The following PLD1 variants were observed in gnomAD, a reference collection of about 807,000 sequenced individuals.
PLD1 encodes choline phosphatase 1.
Under a neutral mutation model 137.1 loss-of-function variants are expected in PLD1, and 112 were observed. The ratio of observed to expected loss-of-function variants is 0.82; its 90% CI spans 0.70 to 0.96. The LOEUF (loss-of-function observed/expected upper bound fraction) is 0.96. PLD1 is among the 40% of genes least tolerant of loss of function. PLD1 has a pLI of 0.00. For missense variants in PLD1, 1,321 were observed against 1,342.0 expected (o/e 0.98, Z 0.24); for synonymous variants, 431 against 454.7 (o/e 0.95, Z 0.66).
chr3:171,697,777 T>C (rs1050800103), intron 12 of PLD1, among the ~76,000 whole-genome samples: 37 of 152,162 alleles, frequency 2.4e-4, no homozygotes, highest in South Asian at 4.1e-4. Flanking sequence ...ACCTTTTCCA[T>C]TGGGAAAGCC....
intron 17 of PLD1, 61 bp downstream of exon 17, chr3:171,677,505 G>A (rs536444241): frequency 1.6e-4 from 244 of 1,514,614 alleles, no homozygotes; most frequent in Middle Eastern, 1.2e-3. Context: ...ATGTATACTT[G>A]CTGAGATGTT....
At chr3:171,608,183 A>T (rs942861414) in intron 25 of PLD1, among the ~76,000 whole-genome samples, 2 of 152,224 alleles carry the variant, frequency 1.3e-5, no homozygotes, top group African/African-American at 4.8e-5. Flanking sequence ...AGTTAGCATA[A>T]GATCAGCATT....
At position 171,714,057 on chromosome 3, in the gene PLD1, TAGTA is replaced by T. The variant is rs779916824; in HGVS notation, c.759-16_759-13del. ...TCACTATTAACCATCTGTAAGAAGG[TAGTA>T]AGTATTTTTAAAAGTTGCATTGAGT... is the stretch of plus-strand genomic sequence containing the variant. On this transcript the variant is annotated splice_polypyrimidine_tract_variant and intron_variant, in intron 8 of 26. Transcript: ENST00000351298. The T allele has an allele frequency of 1.3e-6, 2 of 1,555,164 alleles. No homozygotes were observed. Among genetic ancestry groups the T allele is most frequent in the Non-Finnish European group, 1.8e-6 (2 of 1,130,504 alleles).
At position 171,600,546 on chromosome 3, in the gene PLD1, C is replaced by T. The variant is rs1293106868; in HGVS notation, c.*2532G>A. 1 of 151,746 alleles carries T rather than the reference C, an allele frequency of 6.6e-6. No individual in the cohort carries two copies. The highest frequency in any genetic ancestry group is 2.4e-5 in the African/African-American group (1 of 41,300). 9.4% of individuals were successfully genotyped at this position (151,746 alleles called of 1,614,324 possible). ...CAATGTTAAAGATAAATTATTTGAA[C>T]TTCTAGTAGGTAGTAATGGTGTCAG... On this transcript the variant is annotated 3_prime_UTR_variant, in exon 27 of 27. Transcript: ENST00000351298.
At chr3:171,775,957 G>C (rs779819885) in intron 1 of PLD1, among the ~76,000 whole-genome samples, 10 of 152,160 alleles carry the variant, frequency 6.6e-5, no homozygotes, top group Admixed American at 6.5e-4. Flanking sequence ...GTATGAGATG[G>C]AGACAGCTTT....
Position 171,612,220 on chromosome 3 carries a change from G to A in PLD1, c.2882+59C>T, listed in dbSNP as rs1732716893. On this transcript the variant is annotated intron_variant, in intron 25 of 26. Coordinates refer to ENST00000351298, the MANE Select transcript of PLD1 (RefSeq NM_002662.5). This position sits in a 1 kb window ranked among gnomAD's most constrained non-coding sequence, Gnocchi z 4.1. ...CCATGTGCTCAGGGCTAGCGGGGCTGGGTCCCAGCGACTGCTGCAGTGGAA... is the reference window on the plus strand; with the variant it reads ...CCATGTGCTCAGGGCTAGCGGGGCTAGGTCCCAGCGACTGCTGCAGTGGAA... The A allele has an allele frequency of 9.1e-6, 14 of 1,538,520 alleles. 2 individuals carry two copies. In the South Asian group the frequency reaches 1.6e-4, roughly 18 times the overall value.
chr3:171,719,030 T>C (rs544454054), intron 8 of PLD1, among the ~76,000 whole-genome samples: 2 of 152,292 alleles, frequency 1.3e-5, no homozygotes, highest in East Asian at 3.9e-4. Context: ...CTTCTCAGCC[T>C]CATCTACTAT....
chr3:171,631,262 G>C (rs1266645294), intron 23 of PLD1, among the ~76,000 whole-genome samples: 2 of 152,106 alleles, frequency 1.3e-5, no homozygotes, highest in African/African-American at 4.8e-5. Flanking sequence ...GTATGGGCCA[G>C]CAATCCCAAA....
In PLD1 at chr3:171,676,571, G is replaced by A. The variant is rs113853015; in HGVS notation, c.2115+144C>T. The A allele has an allele frequency of 6.0e-3, 4,114 of 682,144 alleles. 67 individuals are homozygous for A. The highest frequency in any genetic ancestry group is 0.044 in the African/African-American group (2,437 of 55,786). 42.3% of individuals were successfully genotyped at this position (682,144 alleles called of 1,614,324 possible). On this transcript the variant is annotated intron_variant, in intron 18 of 26. Transcript: ENST00000351298. ...TTTTTGCCCAGATGCCCAGGCACCC[G>A]GACATCAATGCAGCCAACAGCAGAG... is the stretch of plus-strand genomic sequence containing the variant.
chr3:171,802,615 G>C (rs2108360004), intron 1 of PLD1, among the ~76,000 whole-genome samples: 1 of 152,300 alleles, frequency 6.6e-6, no homozygotes, highest in Non-Finnish European at 1.5e-5. Flanking sequence ...GTTCAGAAAG[G>C]TGAGAAACAA....
At position 171,601,273 on chromosome 3, in the gene PLD1, TGA is replaced by T. The variant is rs1731813526; in HGVS notation, c.*1803_*1804del. 1 of 152,186 alleles carries T rather than the reference TGA, an allele frequency of 6.6e-6. No homozygotes were observed. Among genetic ancestry groups the T allele is most frequent in the African/African-American group, 2.4e-5 (1 of 41,440 alleles). The allele number at this position is 152,186 out of a possible 1,614,324, so 9.4% of individuals were successfully genotyped here. On this transcript the variant is annotated 3_prime_UTR_variant, in exon 27 of 27. Transcript: ENST00000351298. Reference sequence around the variant, plus strand: ...AAAGGGTCCTTTCAGGCTTTTTTCATGAGAGTAGGGTGCTGAAAATCAAGAGC... The same window carrying T: ...AAAGGGTCCTTTCAGGCTTTTTTCATGAGTAGGGTGCTGAAAATCAAGAGC...
intron 3 of PLD1, among the ~76,000 whole-genome samples, chr3:171,736,975 G>A (rs967182717): frequency 3.9e-5 from 6 of 152,220 alleles, no homozygotes; most frequent in African/African-American, 1.2e-4. Context: ...GAAATATCAC[G>A]TGAATGAGGA....
chr3:171,712,312 A>T (rs996196543), intron 9 of PLD1, among the ~76,000 whole-genome samples: 2 of 152,162 alleles, frequency 1.3e-5, no homozygotes, highest in African/African-American at 4.8e-5. Context: ...AGGGATGGAG[A>T]CGAGAGGGCA....
chr3:171,734,889 T>C lies in PLD1; in HGVS notation c.516A>G (p.Arg172=). 2 of 1,610,048 alleles carry C rather than the reference T, an allele frequency of 1.2e-6. No homozygotes were observed. The highest frequency in any genetic ancestry group is 1.7e-6 in the Non-Finnish European group (2 of 1,176,334). The change falls in exon 5 of 27, where the codon AGA becomes AGG. Residue 172 remains arginine (R), a synonymous_variant. Coordinates refer to ENST00000351298, the MANE Select transcript of PLD1 (RefSeq NM_002662.5). ...SLPRSSENMI[R]EEQFLGRRKQ... ...CTCTTCTACCAAGGAATTGTTCTTC[T>C]CTTATCATGTTTTCAGATGAACGGG...
Position 171,713,961 on chromosome 3 carries a change from T to G in PLD1, c.843A>C (p.Glu281Asp), listed in dbSNP as rs2108216563. ...CCTTCTTCCCCACCTTAATTTTGAA[T>G]TCTTTGTCTACCAGCAGGACGAAGG... ...AIAFVLLVDK[E>D]FKIKVGKKET... The change falls in exon 9 of 27, where the codon GAA becomes GAC. Residue 281 changes from glutamate (E) to aspartate (D), a missense_variant. Glu to Asp is a conservative substitution (Grantham distance 45). Transcript: ENST00000351298. The G allele has an allele frequency of 6.2e-7, 1 of 1,612,628 alleles. No homozygotes were observed. Among genetic ancestry groups the G allele is most frequent in the East Asian group, 2.2e-5 (1 of 44,856 alleles).
At chr3:171,690,025 G>C (rs77679734) in intron 13 of PLD1, among the ~76,000 whole-genome samples, 7,291 of 152,126 alleles carry the variant, frequency 0.048, 568 homozygotes, top group African/African-American at 0.16. Flanking sequence ...TTTTCATCTG[G>C]GGGAGATTTT....
At chr3:171,773,422 C>T (rs1722475143) in intron 1 of PLD1, among the ~76,000 whole-genome samples, 1 of 152,022 alleles carries the variant, frequency 6.6e-6, no homozygotes, top group Non-Finnish European at 1.5e-5. Flanking sequence ...GAAACCCCAT[C>T]TAAACCCCGT....
At chr3:171,606,220 T>C (rs1578085729) in intron 25 of PLD1, among the ~76,000 whole-genome samples, 2 of 152,194 alleles carry the variant, frequency 1.3e-5, no homozygotes, top group South Asian at 4.1e-4. Context: ...GTTTTTGTCT[T>C]GAGCAACTAT....
chr3:171,689,509 TCC>T (rs1491156594), intron 13 of PLD1, among the ~76,000 whole-genome samples: 1 of 151,714 alleles, frequency 6.6e-6, no homozygotes, highest in African/African-American at 2.4e-5. Context: ...CTTCCTTCCT[TCC>T]TTTCTTTCTT....
Sources: allele counts gnomAD v4.1 joint callset (sites outside exome capture counted in the v4.1 genomes callset), GRCh38; gene constraint gnomAD v4.1.1; non-coding constraint Gnocchi (gnomAD v3.1); transcripts MANE v1.5; gene names NCBI Gene and HGNC (gene_info 2026-07-23, HGNC 2026-07-21).